Variants in FAM210A observed in about 807,000 individuals in gnomAD.
The protein encoded by FAM210A is family with sequence similarity 210 member A.
In FAM210A, 13 loss-of-function variants were observed where a neutral mutation model predicts 25.3. The ratio of observed to expected loss-of-function variants is 0.51; its 90% CI spans 0.33 to 0.82. FAM210A has a LOEUF of 0.82. Among genes scored for constraint, FAM210A ranks in the 40% least tolerant of loss-of-function variants. FAM210A has a pLI of 0.02. For synonymous variants in FAM210A, 125 were observed against 118.7 expected (o/e 1.05, Z -0.35); for missense variants, 319 against 323.2 (o/e 0.99, Z 0.10).
Position 13,682,018 on chromosome 18 carries a change from T to C in FAM210A, c.60A>G (p.Pro20=), listed in dbSNP as rs2043559509. 2.5e-6 allele frequency: 4 copies of C among 1,613,862 alleles called. No homozygotes were observed. Among genetic ancestry groups the C allele is most frequent in the Non-Finnish European group, 3.4e-6 (4 of 1,179,952 alleles). ...SRLARRTCLE[P]HNAGLFGHCQ... ...AGTGTCCAAAGAGACCAGCATTATG[T>C]GGTTCCAAGCATGTCCTGCGTGCCA... The change falls in exon 2 of 4, where the codon CCA becomes CCG. Residue 20 remains proline (P), a synonymous_variant. Transcript: ENST00000651643.
intron 1 of FAM210A, among the ~76,000 whole-genome samples, chr18:13,683,712 C>T (rs1423777328): frequency 1.3e-5 from 2 of 152,092 alleles, no homozygotes; most frequent in Non-Finnish European, 2.9e-5. Flanking sequence ...GGTGGTACCA[C>T]ACATGCCTTC....
intron 1 of FAM210A, among the ~76,000 whole-genome samples, chr18:13,697,033 C>T (rs1428775037): frequency 6.6e-6 from 1 of 152,170 alleles, no homozygotes; most frequent in African/African-American, 2.4e-5. Context: ...AAAATATTTA[C>T]ATGTTACAAT....
intron 1 of FAM210A, among the ~76,000 whole-genome samples, chr18:13,710,015 G>A (rs1005574128): frequency 6.6e-6 from 1 of 151,992 alleles, no homozygotes; most frequent in Non-Finnish European, 1.5e-5. Flanking sequence ...AAGCTAACCA[G>A]GGGAGGAATT....
At chr18:13,714,087 T>TA (rs2043842556) in intron 1 of FAM210A, among the ~76,000 whole-genome samples, 2 of 152,354 alleles carry the variant, frequency 1.3e-5, no homozygotes, top group Middle Eastern at 3.4e-3. Flanking sequence ...ACTGACCCCC[T>TA]ACCAAAGGGT....
chr18:13,685,347 A>G (rs2043587972), intron 1 of FAM210A, among the ~76,000 whole-genome samples: 2 of 151,646 alleles, frequency 1.3e-5, no homozygotes, highest in Non-Finnish European at 2.9e-5. Context: ...CTCTATTAAC[A>G]TAATCAGATC....
intron 2 of FAM210A, among the ~76,000 whole-genome samples, chr18:13,677,002 T>C (rs1286413134): frequency 6.6e-6 from 1 of 151,746 alleles, no homozygotes; most frequent in Non-Finnish European, 1.5e-5. Context: ...TCTATTTGGC[T>C]GGGAGCATCG....
At chr18:13,723,071 G>T (rs2043909762) in intron 1 of FAM210A, among the ~76,000 whole-genome samples, 1 of 152,092 alleles carries the variant, frequency 6.6e-6, no homozygotes, top group Non-Finnish European at 1.5e-5. Flanking sequence ...ATGTTCTAAG[G>T]TATCAAATAC....
chr18:13,668,563 CTT>C (rs2043419192), intron 3 of FAM210A, among the ~76,000 whole-genome samples: 2 of 152,082 alleles, frequency 1.3e-5, no homozygotes, highest in South Asian at 4.1e-4. Context: ...AGATCTCAAA[CTT>C]AATGCAGGTG....
intron 1 of FAM210A, among the ~76,000 whole-genome samples, chr18:13,713,975 C>T (rs72886137): frequency 6.6e-6 from 1 of 152,292 alleles, no homozygotes; most frequent in Non-Finnish European, 1.5e-5. Context: ...AATTATAACT[C>T]CTCCAGGGGT....
intron 1 of FAM210A, among the ~76,000 whole-genome samples, chr18:13,719,726 TA>T (rs10617536): frequency 0.76 from 113,546 of 150,028 alleles, 43,114 homozygotes; most frequent in East Asian, 0.94. Flanking sequence ...TTACATGAAT[TA>T]AAAAAAAAAA....
chr18:13,700,663 G>A (rs1283426827), intron 1 of FAM210A, among the ~76,000 whole-genome samples: 1 of 152,180 alleles, frequency 6.6e-6, no homozygotes, highest in Non-Finnish European at 1.5e-5. Context: ...AACCTCTCGG[G>A]AAGGCAGATT....
At chr18:13,713,327 T>A (rs2043835925) in intron 1 of FAM210A, among the ~76,000 whole-genome samples, 1 of 152,228 alleles carries the variant, frequency 6.6e-6, no homozygotes, top group South Asian at 2.1e-4. Context: ...AGATTTTATG[T>A]TCTGCCACTC....
rs1258848172 is a variant in FAM210A, at chr18:13,681,817, C to T, written c.261G>A (p.Lys87=). ...AAACCCTCCTGAATGAAACATGTTG[C>T]TTCCCTTGCTTATGGCGAAGGACTC... ...QPGVLRHKQG[K]QHVSFRRVFS... The change falls in exon 2 of 4, where the codon AAG becomes AAA. Residue 87 remains lysine (K), a synonymous_variant. Coordinates refer to ENST00000651643, the MANE Select transcript of FAM210A (RefSeq NM_152352.4). 2.5e-6 allele frequency: 4 copies of T among 1,614,088 alleles called. No individual in the cohort carries two copies. Among genetic ancestry groups the T allele is most frequent in the Non-Finnish European group, 3.4e-6 (4 of 1,180,048 alleles).
chr18:13,703,421 C>G (rs923741920), intron 1 of FAM210A, among the ~76,000 whole-genome samples: 1 of 152,160 alleles, frequency 6.6e-6, no homozygotes, highest in Non-Finnish European at 1.5e-5. Context: ...GGATGCCATA[C>G]AATTAAATGC....
intron 1 of FAM210A, among the ~76,000 whole-genome samples, chr18:13,708,803 C>T (rs1242340658): frequency 1.3e-5 from 2 of 152,104 alleles, no homozygotes; most frequent in Non-Finnish European, 2.9e-5. Context: ...GAGCCTAGTA[C>T]TAGCGCCTTG....
intron 1 of FAM210A, among the ~76,000 whole-genome samples, chr18:13,691,213 A>C (rs1568482768): frequency 6.6e-6 from 1 of 152,226 alleles, no homozygotes; most frequent in Non-Finnish European, 1.5e-5. Flanking sequence ...AGAAAAAAGA[A>C]TACAAAGACA....
chr18:13,674,136 G>A (rs1432525261), intron 2 of FAM210A, among the ~76,000 whole-genome samples: 63 of 141,592 alleles, frequency 4.4e-4, no homozygotes, highest in East Asian at 1.6e-3. Flanking sequence ...CTGAGCCCAG[G>A]CTTCTTTATT....
intron 1 of FAM210A, among the ~76,000 whole-genome samples, chr18:13,724,896 C>A (rs896317104): frequency 2.0e-5 from 3 of 152,098 alleles, no homozygotes; most frequent in Non-Finnish European, 4.4e-5. Flanking sequence ...GCCTCAGCCT[C>A]CTGAGTAGCT....
intron 1 of FAM210A, among the ~76,000 whole-genome samples, chr18:13,713,857 T>C (rs1274386688): frequency 6.6e-6 from 1 of 152,108 alleles, no homozygotes; most frequent in African/African-American, 2.4e-5. Context: ...CTCCTGCCTC[T>C]GCCTCTCAGG....
Sources: allele counts gnomAD v4.1 joint callset (sites outside exome capture counted in the v4.1 genomes callset), GRCh38; gene constraint gnomAD v4.1.1; transcripts MANE v1.5; gene names NCBI Gene and HGNC (gene_info 2026-07-23, HGNC 2026-07-21).